SRSF11: variants seen among roughly 807,000 people sequenced by gnomAD.
The protein encoded by SRSF11 is serine/arginine-rich splicing factor 11.
SRSF11 carries 9 observed loss-of-function variants against 56.0 expected under a neutral mutation model. The ratio of observed to expected loss-of-function variants is 0.16; its 90% CI spans 0.10 to 0.28. The LOEUF (loss-of-function observed/expected upper bound fraction) is 0.28, where lower values mean the gene tolerates loss of function less well. Ranked by LOEUF, SRSF11 falls within the 10% of genes least tolerant of loss-of-function variation. The probability of loss-of-function intolerance (pLI) is 1.00; values close to 1 mark genes in which losing one functional copy is unlikely to be tolerated. For missense variants in SRSF11, 421 were observed against 600.7 expected (o/e 0.70, Z 3.13); for synonymous variants, 222 against 215.3 (o/e 1.03, Z -0.27).
chr1:70,231,579 C>T (rs1217588206), intron 2 of SRSF11: 7 of 1,125,662 alleles, frequency 6.2e-6, no homozygotes, highest in Non-Finnish European at 6.6e-6. Flanking sequence ...AAGGAATGTG[C>T]CATGTTGTTT....
rs929979326 is a variant in SRSF11 at position 70,252,698 on chromosome 1, G to A, written c.*1893G>A. 2 of 152,082 alleles carry A rather than the reference G, an allele frequency of 1.3e-5. No individual in the cohort carries two copies. The highest frequency in any genetic ancestry group is 4.8e-5 in the African/African-American group (2 of 41,392). The allele number at this position is 152,082 out of a possible 1,614,324, so 9.4% of individuals were successfully genotyped here. ...TTGTTTTAAACTTTAGTAGATAAAA[G>A]GTGAACCATGTGACATGGGCATTTT... On this transcript the variant is annotated 3_prime_UTR_variant, in exon 12 of 12. Transcript: ENST00000370949.
chr1:70,243,951 T>C (rs1234233761), intron 7 of SRSF11, among the ~76,000 whole-genome samples: 1 of 152,090 alleles, frequency 6.6e-6, no homozygotes, highest in African/African-American at 2.4e-5. Context: ...TTAATTGTGC[T>C]TCTTAGTCCT....
chr1:70,206,977 G>A (rs1669101151), intron 1 of SRSF11, among the ~76,000 whole-genome samples: 1 of 141,880 alleles, frequency 7.0e-6, no homozygotes. Context: ...TGCAACCTCC[G>A]CCTCCCAGGT....
chr1:70,234,036 GAAGGGTGACTAGTAAAT>G (rs778633743), intron 3 of SRSF11, among the ~76,000 whole-genome samples: 4 of 152,140 alleles, frequency 2.6e-5, no homozygotes, highest in Non-Finnish European at 5.9e-5. Context: ...TTTGTTTTTG[GAAGGGTGACTAGTAAAT>G]AAGTTCTCTT....
rs1379919658 is a variant in SRSF11, at chr1:70,249,999, A to C, written c.1070A>C (p.Lys357Thr). The C allele has an allele frequency of 6.2e-7, 1 of 1,614,150 alleles. No homozygotes were observed. Among genetic ancestry groups the C allele is most frequent in the Non-Finnish European group, 8.5e-7 (1 of 1,180,018 alleles). Reference sequence around the variant, plus strand: ...AGGAGTGGCACAAGATCTCCTAAAAAGCCTCGGTCTCCTAAAAGAAAATTG... The same window carrying C: ...AGGAGTGGCACAAGATCTCCTAAAACGCCTCGGTCTCCTAAAAGAAAATTG... ...RSRSGTRSPK[K>T]PRSPKRKLSR... The change falls in exon 10 of 12, where the codon AAG becomes ACG. Residue 357 changes from lysine (K) to threonine (T), a missense_variant. Physicochemically the swap from Lys to Thr is moderately conservative, Grantham distance 78. Around this residue, in one of 2 missense-constraint regions of SRSF11, gnomAD observed 253 missense variants for 305.8 expected, o/e 0.83. Transcript: ENST00000370949.
At chr1:70,244,851 C>T in intron 8 of SRSF11, 36 bp downstream of exon 8, 1 of 1,610,332 alleles carries the variant, frequency 6.2e-7, no homozygotes, top group Non-Finnish European at 8.5e-7. Context: ...TTTTAGGGTT[C>T]CCAGTACCCC....
At chr1:70,243,175 A>G (rs2100933810) in intron 7 of SRSF11, among the ~76,000 whole-genome samples, 1 of 152,052 alleles carries the variant, frequency 6.6e-6, no homozygotes, top group Non-Finnish European at 1.5e-5. Flanking sequence ...TTTAATGTAC[A>G]GTCCCCTCCG....
At chr1:70,212,681 A>T (rs1054153752) in intron 1 of SRSF11, among the ~76,000 whole-genome samples, 1 of 152,224 alleles carries the variant, frequency 6.6e-6, no homozygotes, top group Non-Finnish European at 1.5e-5. Flanking sequence ...TCATATCTTT[A>T]ACTTAACTGT....
intron 9 of SRSF11, chr1:70,248,324 G>A (rs1677208172): frequency 6.6e-6 from 1 of 152,056 alleles, no homozygotes; most frequent in Non-Finnish European, 1.5e-5. Flanking sequence ...GATAAATAAG[G>A]TTGATACATG....
intron 9 of SRSF11, chr1:70,249,580 A>G (rs1366289154): frequency 4.1e-5 from 7 of 171,210 alleles, no homozygotes; most frequent in Non-Finnish European, 8.8e-5. Context: ...TTTTTGAGAC[A>G]GGGTCTCTCT....
chr1:70,220,140 TTGAG>T (rs1311264493), upstream of SRSF11, among the ~76,000 whole-genome samples: 5 of 152,242 alleles, frequency 3.3e-5, no homozygotes, highest in Non-Finnish European at 7.3e-5. Context: ...GCTCACAACT[TTGAG>T]TGATACATGT....
At chr1:70,229,045 AT>A (rs1672397821) in intron 2 of SRSF11, 1 of 983,672 alleles carries the variant, frequency 1.0e-6, no homozygotes. Flanking sequence ...GGTTGCAGTG[AT>A]TTTGGTTTTC....
chr1:70,250,800 G>T lies in SRSF11; in HGVS notation c.1450G>T (p.Asp484Tyr). ...TCATGAAGAAGACATGGATATGAGT[G>T]ACTGAATATTGCCTCTGAGGGAGTC... ...DHHEEDMDMS[D>Y] The change falls in exon 12 of 12, where the codon GAC (aspartate) becomes TAC (tyrosine). Residue 484 changes from aspartate to tyrosine, a missense_variant. By Grantham distance (160) the Asp-to-Tyr change is radical (BLOSUM62 -3). Coordinates refer to ENST00000370949, the MANE Select transcript of SRSF11 (RefSeq NM_001350605.2). The T allele has an allele frequency of 6.2e-7, 1 of 1,613,624 alleles. No individual in the cohort carries two copies. The highest frequency in any genetic ancestry group is 1.1e-5 in the South Asian group (1 of 91,014).
upstream of SRSF11, among the ~76,000 whole-genome samples, chr1:70,220,009 T>C (rs1670373873): frequency 6.6e-6 from 1 of 151,930 alleles, no homozygotes; most frequent in Non-Finnish European, 1.5e-5. Flanking sequence ...GTCAAGTGAA[T>C]TATTTAGTGA....
At chr1:70,230,685 G>A in intron 2 of SRSF11, 1 of 1,236,620 alleles carries the variant, frequency 8.1e-7, no homozygotes, top group Non-Finnish European at 1.0e-6. Context: ...TTAATCAGAG[G>A]ATCAGATGCA....
intron 9 of SRSF11, chr1:70,249,041 T>C (rs1677382712): frequency 6.6e-6 from 1 of 152,164 alleles, no homozygotes; most frequent in Admixed American, 6.5e-5. Context: ...CTGATAACTT[T>C]TGAGAATCAG....
At chr1:70,249,757 A>T in intron 9 of SRSF11, 195 bp from the exon 10 acceptor site, 1 of 526,456 alleles carries the variant, frequency 1.9e-6, no homozygotes, top group Non-Finnish European at 3.4e-6. Context: ...ACAGAGTTTC[A>T]CCATGTTGCC....
chr1:70,214,215 C>T (rs1228081123), intron 1 of SRSF11, among the ~76,000 whole-genome samples: 1 of 152,050 alleles, frequency 6.6e-6, no homozygotes, highest in African/African-American at 2.4e-5. Flanking sequence ...GATCGTGAAG[C>T]ATTCCCTCCA....
chr1:70,237,932 G>A (rs1674481523), intron 6 of SRSF11, among the ~76,000 whole-genome samples: 1 of 152,080 alleles, frequency 6.6e-6, no homozygotes, highest in Non-Finnish European at 1.5e-5. Flanking sequence ...TTGATCAAGA[G>A]AACCTAGTGA....
Sources: gnomAD v4.1 joint callset for allele counts (sites outside exome capture counted in the v4.1 genomes callset) on GRCh38, gnomAD v4.1.1 for gene constraint, gnomAD v4.1.1 regional missense constraint, MANE v1.5 for transcripts, NCBI Gene and HGNC (gene_info 2026-07-23, HGNC 2026-07-21) for gene names.